The following LIPK variants were observed in gnomAD, a reference collection of about 807,000 sequenced individuals.
The protein encoded by LIPK is lipase member K.
A neutral mutation model predicts 48.6 loss-of-function variants in LIPK; 32 were observed. The observed-to-expected ratio is 0.66, with a 90% CI of 0.50 to 0.88. LIPK has a LOEUF of 0.88. Among genes scored for constraint, LIPK ranks in the 40% least tolerant of loss-of-function variants. LIPK has a pLI of 0.00. For synonymous variants in LIPK, 164 were observed against 157.4 expected (o/e 1.04, Z -0.32); for missense variants, 507 against 478.5 (o/e 1.06, Z -0.56).
At chr10:88,743,713 G>A (rs432202) in intron 9 of LIPK, among the ~76,000 whole-genome samples, 33,444 of 152,076 alleles carry the variant, frequency 0.22, 3,853 homozygotes, top group East Asian at 0.37. Context: ...GGCATTGAGA[G>A]TGAATGGAGG....
chr10:88,728,284 C>G (rs1212063784), intron 3 of LIPK: 1 of 181,844 alleles, frequency 5.5e-6, no homozygotes. Flanking sequence ...TCGACGTCTC[C>G]GCCCAGTACC....
At chr10:88,723,774 G>GC (rs973483901) in intron 1 of LIPK, among the ~76,000 whole-genome samples, 8 of 150,124 alleles carry the variant, frequency 5.3e-5, no homozygotes, top group South Asian at 2.1e-4. Flanking sequence ...TGATGTTTAG[G>GC]TTTTTTTTTT....
intron 1 of LIPK, among the ~76,000 whole-genome samples, chr10:88,714,273 TC>T (rs1205206321): frequency 6.6e-6 from 1 of 152,170 alleles, no homozygotes; most frequent in East Asian, 1.9e-4. Context: ...CAAACGTACT[TC>T]CCAATTTTAA....
At chr10:88,709,616 T>C (rs1375357825) in intron 1 of LIPK, among the ~76,000 whole-genome samples, 1 of 151,984 alleles carries the variant, frequency 6.6e-6, no homozygotes, top group Admixed American at 6.6e-5. Flanking sequence ...TACTAACCAC[T>C]CAAGTGCATC....
At chr10:88,725,925 T>A (rs1052784402) in intron 2 of LIPK, among the ~76,000 whole-genome samples, 7 of 152,192 alleles carry the variant, frequency 4.6e-5, no homozygotes, top group Admixed American at 2.0e-4. Flanking sequence ...ATTCAGCCAA[T>A]GGAAATGGTG....
chr10:88,742,989 A>G (rs1298231969), intron 8 of LIPK, among the ~76,000 whole-genome samples: 1 of 152,248 alleles, frequency 6.6e-6, no homozygotes, highest in Non-Finnish European at 1.5e-5. Flanking sequence ...ACATGGTAAC[A>G]TTTAAAGGCA....
intron 6 of LIPK, among the ~76,000 whole-genome samples, chr10:88,736,990 G>A (rs984087497): frequency 6.6e-5 from 10 of 152,072 alleles, no homozygotes; most frequent in Non-Finnish European, 1.3e-4. Flanking sequence ...TATAAAACTA[G>A]TAGCTGTGAA....
At chr10:88,730,382 C>G (rs1485975723) in intron 3 of LIPK, among the ~76,000 whole-genome samples, 10 of 151,746 alleles carry the variant, frequency 6.6e-5, no homozygotes, top group Non-Finnish European at 1.0e-4. Flanking sequence ...CTCCGCCTCC[C>G]GGGTTCACGC....
intron 3 of LIPK, among the ~76,000 whole-genome samples, chr10:88,729,257 G>GGGGT (rs1554955642): frequency 3.5e-5 from 1 of 28,786 alleles, no homozygotes; most frequent in East Asian, 3.0e-3. Context: ...TCTGTTGGGG[G>GGGGT]GGGGGGGCGG....
At chr10:88,729,256 G>GC (rs1554955636) in intron 3 of LIPK, among the ~76,000 whole-genome samples, 1 of 112,082 alleles carries the variant, frequency 8.9e-6, no homozygotes, top group African/African-American at 3.4e-5. Flanking sequence ...ATCTGTTGGG[G>GC]GGGGGGGGCG....
At position 88,731,057 on chromosome 10, in the gene LIPK, A is replaced by C; in HGVS notation, c.298A>C (p.Asn100His). 1 of 1,602,730 alleles carries C rather than the reference A, an allele frequency of 6.2e-7. No individual in the cohort carries two copies. Among genetic ancestry groups the C allele is most frequent in the Non-Finnish European group, 8.5e-7 (1 of 1,174,334 alleles). ...ASNWICNLPN[N>H]SLAFLLADSG... is the part of the protein sequence containing the mutation. ...TAACTGGATTTGCAACCTGCCCAAC[A>C]ACAGTTTGGCTTTCCTTCTGGCAGA... Residue 100 changes from asparagine (N) to histidine (H), a missense_variant, in exon 4 of 10, where the codon AAC becomes CAC. Physicochemically the swap from Asn to His is moderately conservative, Grantham distance 68. Coordinates refer to ENST00000404190, the MANE Select transcript of LIPK (RefSeq NM_001080518.2).
intron 1 of LIPK, among the ~76,000 whole-genome samples, chr10:88,709,060 G>A (rs1240696760): frequency 2.0e-5 from 3 of 152,090 alleles, no homozygotes; most frequent in Non-Finnish European, 4.4e-5. Context: ...AACTTTATTG[G>A]TGATGCTTTT....
At chr10:88,707,894 CT>C (rs1841964481) in intron 1 of LIPK, among the ~76,000 whole-genome samples, 1 of 152,110 alleles carries the variant, frequency 6.6e-6, no homozygotes, top group Admixed American at 6.6e-5. Flanking sequence ...TTGTGAGTCA[CT>C]CTGTTTTGGT....
chr10:88,748,893 C>T (rs1418905503), intron 9 of LIPK, among the ~76,000 whole-genome samples: 2 of 151,598 alleles, frequency 1.3e-5, no homozygotes, highest in Non-Finnish European at 2.9e-5. Flanking sequence ...CTAAAAAACC[C>T]CATAGTCTCA....
chr10:88,732,055 A>G (rs902442586), intron 4 of LIPK, 123 bp from the exon 5 acceptor site: 15 of 593,650 alleles, frequency 2.5e-5, no homozygotes, highest in Middle Eastern at 8.8e-4. Context: ...CTAATATCAT[A>G]TATCGACACT....
intron 8 of LIPK, among the ~76,000 whole-genome samples, chr10:88,741,715 C>G (rs1842683531): frequency 6.6e-6 from 1 of 152,042 alleles, no homozygotes; most frequent in Non-Finnish European, 1.5e-5. Context: ...TGAAAAAAAG[C>G]TGTTTGTTGG....
intron 1 of LIPK, among the ~76,000 whole-genome samples, chr10:88,708,530 G>A (rs1841975290): frequency 6.6e-6 from 1 of 151,920 alleles, no homozygotes; most frequent in South Asian, 2.1e-4. Context: ...GCAAAACTCT[G>A]TAAGTGACTG....
At chr10:88,718,893 C>T (rs553371854) in intron 1 of LIPK, among the ~76,000 whole-genome samples, 2 of 152,018 alleles carry the variant, frequency 1.3e-5, no homozygotes, top group South Asian at 2.1e-4. Flanking sequence ...TTCTTGGCTG[C>T]TCTTATTCTA....
Position 88,714,571 on chromosome 10 carries a change from T to C in LIPK, c.-12+8251T>C, listed in dbSNP as rs569338279. Among the ~76,000 whole-genome samples the C allele has an allele frequency of 5.1e-4, 77 of 152,334 alleles. 1 individual carries two copies. The highest frequency in any genetic ancestry group is 8.8e-4 in the Non-Finnish European group (60 of 68,022). On this transcript the variant is annotated intron_variant, in intron 1 of 9. Coordinates refer to ENST00000404190, the MANE Select transcript of LIPK (RefSeq NM_001080518.2). ...TATTTTATAAAACAAATTCAACTTT[T>C]AAAGTAGATATAGAAATGTTCTTTT...
Sources: gnomAD v4.1 joint callset for allele counts (sites outside exome capture counted in the v4.1 genomes callset) on GRCh38, gnomAD v4.1.1 for gene constraint, MANE v1.5 for transcripts, NCBI Gene and HGNC (gene_info 2026-07-23, HGNC 2026-07-21) for gene names.